The following AGBL4 variants were observed in gnomAD, a reference collection of about 807,000 sequenced individuals.
AGBL4 encodes the protein AGBL carboxypeptidase 4.
A neutral mutation model predicts 66.4 loss-of-function variants in AGBL4; 58 were observed. That is an observed-to-expected ratio of 0.87 (90% CI 0.71 to 1.09). The LOEUF is 1.09. Among genes scored for constraint, AGBL4 ranks in the 50% least tolerant of loss-of-function variants. AGBL4 has a pLI of 0.00. For synonymous variants in AGBL4, 234 were observed against 222.9 expected, an observed-to-expected ratio of 1.05 and a Z score of -0.44; for missense variants, 579 against 631.0, an observed-to-expected ratio of 0.92 and a Z score of 0.88.
chr1:49,366,398 A>T (rs933737395), intron 3 of AGBL4, among the ~76,000 whole-genome samples: 1 of 152,186 alleles, frequency 6.6e-6, no homozygotes, highest in African/African-American at 2.4e-5. Flanking sequence ...GATGTCTATA[A>T]GAAGGAGAAA....
intron 6 of AGBL4, among the ~76,000 whole-genome samples, chr1:48,797,215 G>A (rs1370615028): frequency 6.6e-6 from 1 of 152,144 alleles, no homozygotes; most frequent in African/African-American, 2.4e-5. Flanking sequence ...TTTTACCAAA[G>A]CATAATGACT....
chr1:48,785,563 GT>G (rs1315266122), intron 6 of AGBL4, among the ~76,000 whole-genome samples: 1 of 152,126 alleles, frequency 6.6e-6, no homozygotes, highest in Non-Finnish European at 1.5e-5. Context: ...TTTTCAAAAT[GT>G]TTTTCCAAAT....
At position 49,750,622 on chromosome 1, in the gene AGBL4, G is replaced by A. The variant is rs535932119; in HGVS notation, c.158-53185C>T. Among the ~76,000 whole-genome samples, 7 of 152,266 alleles carry A rather than the reference G, an allele frequency of 4.6e-5. No homozygotes were observed. The South Asian group carries it at 1.5e-3, about 32-fold the overall frequency. ...ATTTAAAGTAGTTTTCTAATTCTGT[G>A]AAGAAAGTCAATGGTAACTTGATGG... On this transcript the variant is annotated intron_variant, in intron 2 of 13. Transcript: ENST00000371839.
chr1:48,708,925 C>T (rs1646920596), intron 6 of AGBL4, among the ~76,000 whole-genome samples: 1 of 152,160 alleles, frequency 6.6e-6, no homozygotes, highest in Non-Finnish European at 1.5e-5. Flanking sequence ...TCAGGCAGGA[C>T]CAGGGTGAGA....
intron 4 of AGBL4, among the ~76,000 whole-genome samples, chr1:49,161,207 C>T (rs1646534676): frequency 6.6e-6 from 1 of 152,206 alleles, no homozygotes; most frequent in African/African-American, 2.4e-5. Flanking sequence ...ATCTCCTGGT[C>T]TGCCAGTTGC....
intron 3 of AGBL4, among the ~76,000 whole-genome samples, chr1:49,260,644 T>G (rs1040971178): frequency 7.9e-5 from 12 of 152,074 alleles, no homozygotes; most frequent in South Asian, 2.1e-4. Flanking sequence ...AATAACAGGC[T>G]CTGAAATTGT....
chr1:49,496,064 T>G (rs910393334), intron 3 of AGBL4, among the ~76,000 whole-genome samples: 27 of 151,996 alleles, frequency 1.8e-4, no homozygotes, highest in African/African-American at 6.3e-4. Flanking sequence ...GGATAAAGAC[T>G]GCAGGCAAGG....
At chr1:49,381,841 T>G (rs1416266450) in intron 3 of AGBL4, among the ~76,000 whole-genome samples, 1 of 115,858 alleles carries the variant, frequency 8.6e-6, no homozygotes, top group South Asian at 2.9e-4. Flanking sequence ...CTCTGGGGAC[T>G]GTGGTGGGGT....
intron 3 of AGBL4, among the ~76,000 whole-genome samples, chr1:49,584,471 C>T (rs909277597): frequency 4.6e-5 from 7 of 152,078 alleles, no homozygotes; most frequent in Admixed American, 1.3e-4. Context: ...TACACGTCAT[C>T]TTGGAAAGCA....
In AGBL4 at chr1:49,865,386, G is replaced by A. The variant is rs371134713; in HGVS notation, c.35-13868C>T. 4.5e-4 allele frequency among the ~76,000 whole-genome samples: 69 copies of A among 152,224 alleles called. 1 individual carries two copies. The South Asian group carries it at 1.0e-2, about 22-fold the overall frequency. On this transcript the variant is annotated intron_variant, in intron 1 of 13. Transcript: ENST00000371839. ...AGTGCCCCTCTGAAATGGAGCTCCC[G>A]GAGGAAGAAGCAGGCAGGCATTTTG...
At chr1:49,753,255 G>T (rs373444664) in intron 2 of AGBL4, among the ~76,000 whole-genome samples, 2 of 152,190 alleles carry the variant, frequency 1.3e-5, no homozygotes, top group African/African-American at 2.4e-5. Flanking sequence ...TCTTGCACGG[G>T]CAAGGCTGAT....
intron 6 of AGBL4, among the ~76,000 whole-genome samples, chr1:48,724,446 C>T (rs1647198855): frequency 6.6e-6 from 1 of 152,160 alleles, no homozygotes; most frequent in South Asian, 2.1e-4. Context: ...GCTTGGGCAG[C>T]TGACCAGGTG....
At chr1:49,891,899 T>C (rs1648691969) in intron 1 of AGBL4, among the ~76,000 whole-genome samples, 1 of 152,178 alleles carries the variant, frequency 6.6e-6, no homozygotes, top group Admixed American at 6.5e-5. Flanking sequence ...AAAACAAAGC[T>C]TAAAGTTTAA....
At chr1:49,865,430 G>A (rs952292921) in intron 1 of AGBL4, among the ~76,000 whole-genome samples, 2 of 152,122 alleles carry the variant, frequency 1.3e-5, no homozygotes, top group Non-Finnish European at 2.9e-5. Context: ...CAGCCTCCAC[G>A]GTGACATATC....
chr1:49,758,294 G>T (rs2147855430), intron 2 of AGBL4, among the ~76,000 whole-genome samples: 1 of 152,300 alleles, frequency 6.6e-6, no homozygotes, highest in African/African-American at 2.4e-5. Flanking sequence ...CTCTCATGGA[G>T]AACCTCTTGC....
At chr1:49,040,073 T>A (rs1183764468) in intron 5 of AGBL4, among the ~76,000 whole-genome samples, 1 of 152,030 alleles carries the variant, frequency 6.6e-6, no homozygotes. Context: ...GGAAAATATT[T>A]GCAAAACATA....
chr1:48,635,355 T>G (rs367655044), intron 8 of AGBL4, among the ~76,000 whole-genome samples: 316 of 152,376 alleles, frequency 2.1e-3, no homozygotes, highest in African/African-American at 7.3e-3. Context: ...CTGGAGGGAC[T>G]GGGAGAACCC....
intron 9 of AGBL4, among the ~76,000 whole-genome samples, chr1:48,625,183 C>T (rs1645483823): frequency 6.7e-6 from 1 of 149,338 alleles, no homozygotes; most frequent in South Asian, 2.1e-4. Context: ...CTTTTTCTGT[C>T]TCTGTCTCTC....
At position 49,905,393 on chromosome 1, in the gene AGBL4, C is replaced by T. The variant is rs191215081; in HGVS notation, c.35-53875G>A. Among the ~76,000 whole-genome samples the T allele has an allele frequency of 5.8e-4, 89 of 152,208 alleles. 1 individual carries two copies. The highest frequency in any genetic ancestry group is 1.6e-3 in the Admixed American group (25 of 15,290). ...ATCACATGATTACCCTTATGGTGGC[C>T]TGGCTTGAGTTACAAGCAAAACCCT... On this transcript the variant is annotated intron_variant, in intron 1 of 13. Coordinates refer to ENST00000371839, the MANE Select transcript of AGBL4 (RefSeq NM_032785.4).
Sources: gnomAD v4.1 joint callset for allele counts (sites outside exome capture counted in the v4.1 genomes callset) on GRCh38, gnomAD v4.1.1 for gene constraint, MANE v1.5 for transcripts, NCBI Gene and HGNC (gene_info 2026-07-23, HGNC 2026-07-21) for gene names.